GRIA1: variants seen among roughly 807,000 people sequenced by gnomAD.
The protein encoded by GRIA1 is glutamate ionotropic receptor AMPA type subunit 1, also known as glutamate receptor 1.
In GRIA1, 31 loss-of-function variants were observed where a neutral mutation model predicts 99.2. The observed-to-expected ratio is 0.31, with a 90% CI of 0.23 to 0.42. The LOEUF (loss-of-function observed/expected upper bound fraction) is 0.42. Among genes scored for constraint, GRIA1 ranks in the 10% least tolerant of loss-of-function variants. The pLI, the probability that GRIA1 is intolerant of heterozygous loss-of-function variation, is 1.00. For synonymous variants in GRIA1, 438 were observed against 432.4 expected (o/e 1.01, Z -0.16); for missense variants, 782 against 1,157.5 (o/e 0.68, Z 4.71).
intron 2 of GRIA1, among the ~76,000 whole-genome samples, chr5:153,611,831 A>C (rs578067000): frequency 6.6e-6 from 1 of 152,324 alleles, no homozygotes; most frequent in African/African-American, 2.4e-5. Context: ...GTGTTCTCTC[A>C]CCGGCTCATT....
At chr5:153,494,213 T>C (rs1461010383) in intron 2 of GRIA1, 148 bp downstream of exon 2, 4 of 720,046 alleles carry the variant, frequency 5.6e-6, no homozygotes, top group Non-Finnish European at 9.0e-6. Context: ...TTCTAGAGGC[T>C]TCTGAGTGAT....
At chr5:153,727,645 A>T (rs944027919) in intron 11 of GRIA1, among the ~76,000 whole-genome samples, 8 of 152,318 alleles carry the variant, frequency 5.3e-5, no homozygotes, top group African/African-American at 1.2e-4. Flanking sequence ...AATTGCTTCA[A>T]AGAGAATAAA....
At chr5:153,698,529 A>G (rs1382540596) in intron 9 of GRIA1, among the ~76,000 whole-genome samples, 1 of 152,206 alleles carries the variant, frequency 6.6e-6, no homozygotes, top group East Asian at 1.9e-4. Context: ...ATTTTCAGTG[A>G]CTGATCATGA....
At chr5:153,740,263 A>C (rs561519124) in intron 11 of GRIA1, among the ~76,000 whole-genome samples, 4 of 152,336 alleles carry the variant, frequency 2.6e-5, no homozygotes, top group South Asian at 2.1e-4. Context: ...GGCGGAGAGG[A>C]GAACAGCTTC....
chr5:153,528,771 C>G (rs1475740526), intron 2 of GRIA1, among the ~76,000 whole-genome samples: 2 of 152,178 alleles, frequency 1.3e-5, no homozygotes, highest in East Asian at 1.9e-4. Context: ...GAAAATAAGG[C>G]ATTCTCCTAT....
intron 13 of GRIA1, among the ~76,000 whole-genome samples, chr5:153,774,098 C>T (rs892420788): frequency 1.4e-5 from 2 of 142,056 alleles, no homozygotes; most frequent in African/African-American, 5.3e-5. Flanking sequence ...ACACACACTC[C>T]AGCCAAGTTT....
rs1766868524 is a variant in GRIA1 at position 153,812,274 on chromosome 5, G to C, written c.*1049G>C. The C allele has an allele frequency of 6.6e-6, 1 of 152,116 alleles. No individual in the cohort carries two copies. Among genetic ancestry groups the C allele is most frequent in the Non-Finnish European group, 1.5e-5 (1 of 68,040 alleles). The allele number at this position is 152,116 out of a possible 1,614,324, so 9.4% of individuals were successfully genotyped here. A position where few individuals can be genotyped will look rare whatever the true frequency, so the allele number is the denominator to read the frequency against. The stretch of plus-strand genomic sequence containing the variant: ...TTCTATGGAGCCTCTGACATGGGGA[G>C]CAATGCTAAGCAAGCTAAGTGTAAA... On this transcript the variant is annotated 3_prime_UTR_variant, in exon 16 of 16. Transcript: ENST00000285900.
At chr5:153,693,146 T>C (rs1400495601) in intron 8 of GRIA1, among the ~76,000 whole-genome samples, 1 of 152,192 alleles carries the variant, frequency 6.6e-6, no homozygotes, top group African/African-American at 2.4e-5. Context: ...CACTGTCTAC[T>C]TGGGTCTTTC....
chr5:153,698,281 C>G (rs149890295), intron 9 of GRIA1, 127 bp downstream of exon 9: 2 of 521,060 alleles, frequency 3.8e-6, no homozygotes, highest in African/African-American at 3.8e-5. Context: ...AGCAGCAAGT[C>G]GAAAAGGGAA....
At chr5:153,654,646 A>G (rs1251200193) in intron 4 of GRIA1, among the ~76,000 whole-genome samples, 1 of 152,164 alleles carries the variant, frequency 6.6e-6, no homozygotes, top group Non-Finnish European at 1.5e-5. Flanking sequence ...ATAAAAAAAC[A>G]TGAGTCACTA....
At chr5:153,639,077 G>A (rs1342430891) in intron 2 of GRIA1, among the ~76,000 whole-genome samples, 1 of 152,166 alleles carries the variant, frequency 6.6e-6, no homozygotes. Context: ...TGTCTGTCGT[G>A]CCATTACACT....
intron 11 of GRIA1, among the ~76,000 whole-genome samples, chr5:153,723,612 G>T (rs1262354555): frequency 2.0e-5 from 3 of 152,200 alleles, no homozygotes; most frequent in Admixed American, 6.5e-5. Context: ...GGCTCGGAGG[G>T]TCCTACCCCC....
chr5:153,627,980 G>A (rs1432320668), intron 2 of GRIA1, among the ~76,000 whole-genome samples: 2 of 151,940 alleles, frequency 1.3e-5, no homozygotes, highest in Non-Finnish European at 2.9e-5. Context: ...TAAGATGGGA[G>A]GCAAACCCAG....
intron 5 of GRIA1, among the ~76,000 whole-genome samples, chr5:153,668,659 G>T (rs1365923445): frequency 6.6e-6 from 1 of 152,126 alleles, no homozygotes; most frequent in Non-Finnish European, 1.5e-5. Context: ...TAAAAAGTTT[G>T]CTGACCCCTT....
chr5:153,642,537 C>T (rs989562489), intron 2 of GRIA1, among the ~76,000 whole-genome samples: 22 of 151,766 alleles, frequency 1.4e-4, no homozygotes, highest in African/African-American at 4.6e-4. Context: ...GACCAGCTTG[C>T]GCAACATAAT....
chr5:153,748,085 A>C (rs1355314543), intron 11 of GRIA1, among the ~76,000 whole-genome samples: 1 of 152,218 alleles, frequency 6.6e-6, no homozygotes, highest in Non-Finnish European at 1.5e-5. Flanking sequence ...GTTACACATT[A>C]GTGGAGGGAG....
intron 2 of GRIA1, among the ~76,000 whole-genome samples, chr5:153,625,106 AT>A (rs147404800): frequency 1.2e-4 from 18 of 148,958 alleles, no homozygotes; most frequent in Admixed American, 7.4e-4. Context: ...GTACATCTCT[AT>A]TTTTTTTTTA....
intron 2 of GRIA1, among the ~76,000 whole-genome samples, chr5:153,609,689 G>A (rs1765803267): frequency 6.7e-6 from 1 of 150,082 alleles, no homozygotes; most frequent in Non-Finnish European, 1.5e-5. Flanking sequence ...TCAGCCTTCC[G>A]AGTAGCTGGG....
At chr5:153,492,340 G>A (rs549341074) in intron 1 of GRIA1, 22 of 1,509,368 alleles carry the variant, frequency 1.5e-5, no homozygotes, top group Admixed American at 4.0e-5. Context: ...TGCCTAACAC[G>A]CAAAACTTCC....
Sources: allele counts gnomAD v4.1 joint callset (sites outside exome capture counted in the v4.1 genomes callset), GRCh38; gene constraint gnomAD v4.1.1; transcripts MANE v1.5; gene names NCBI Gene and HGNC (gene_info 2026-07-23, HGNC 2026-07-21).